Variants in EPHA7 observed in about 807,000 individuals in gnomAD.
EPHA7 encodes EPH receptor A7.
A neutral mutation model predicts 112.6 loss-of-function variants in EPHA7; 25 were observed. That is an observed-to-expected ratio of 0.22 (90% CI 0.16 to 0.31). The LOEUF (loss-of-function observed/expected upper bound fraction) is 0.31. Ranked by LOEUF, EPHA7 falls within the 10% of genes least tolerant of loss-of-function variation. The pLI is 1.00. For synonymous variants in EPHA7, 437 were observed against 406.5 expected (o/e 1.07, Z -0.90); for missense variants, 962 against 1,212.6 (o/e 0.79, Z 3.07).
chr6:93,386,146 C>T (rs564645851), intron 3 of EPHA7, among the ~76,000 whole-genome samples: 3 of 152,286 alleles, frequency 2.0e-5, no homozygotes, highest in South Asian at 2.1e-4. Flanking sequence ...ACATTTATGC[C>T]TTCCCAACAG....
intron 3 of EPHA7, among the ~76,000 whole-genome samples, chr6:93,405,717 A>G (rs1226936473): frequency 9.4e-5 from 14 of 149,646 alleles, no homozygotes; most frequent in Non-Finnish European, 5.9e-5. Flanking sequence ...TGAAACCAGC[A>G]TTTTGAAACT....
chr6:93,348,910 A>G (rs78375579), intron 5 of EPHA7, among the ~76,000 whole-genome samples: 5 of 151,356 alleles, frequency 3.3e-5, no homozygotes, highest in African/African-American at 1.2e-4. Flanking sequence ...GCCTAAGAGG[A>G]AAGATAAACT....
intron 3 of EPHA7, among the ~76,000 whole-genome samples, chr6:93,394,034 G>A (rs2127983309): frequency 6.6e-6 from 1 of 151,776 alleles, no homozygotes; most frequent in Non-Finnish European, 1.5e-5. Flanking sequence ...CTGAGTGTAT[G>A]TGTTTGCATG....
At chr6:93,394,250 T>C (rs1778053260) in intron 3 of EPHA7, among the ~76,000 whole-genome samples, 3 of 151,788 alleles carry the variant, frequency 2.0e-5, no homozygotes. Flanking sequence ...TGTGCAGATA[T>C]TGCATATCTT....
chr6:93,283,388 G>C (rs1008419616), intron 5 of EPHA7, among the ~76,000 whole-genome samples: 3 of 152,058 alleles, frequency 2.0e-5, no homozygotes, highest in Admixed American at 6.5e-5. Context: ...CAGGCTGCCC[G>C]AGCCAGCAGT....
rs1774404891 is a variant in EPHA7 at position 93,327,969 on chromosome 6, G to A, written c.1324+28748C>T. ...TGACTTGCAAGGTCTAACACAGTGT[G>A]TCCTTGCAACTCTGTTAACACCCAA... On this transcript the variant is annotated intron_variant, in intron 5 of 16. Transcript: ENST00000369303. Among the ~76,000 whole-genome samples, 6 of 151,456 alleles carry A rather than the reference G, an allele frequency of 4.0e-5. No individual in the cohort carries two copies. In the Admixed American group the frequency reaches 4.0e-4, roughly 10 times the overall value.
At position 93,410,161 on chromosome 6, in the gene EPHA7, G is replaced by T. The variant is rs1778907462; in HGVS notation, c.832+340C>A. The T allele has an allele frequency of 4.6e-6, 1 of 219,384 alleles. No homozygotes were observed. The highest frequency in any genetic ancestry group is 2.3e-5 in the African/African-American group (1 of 44,070). 13.6% of individuals were successfully genotyped at this position (219,384 alleles called of 1,614,324 possible). A position where few individuals can be genotyped will look rare whatever the true frequency, so the allele number is the denominator to read the frequency against. On this transcript the variant is annotated intron_variant, in intron 3 of 16. Transcript: ENST00000369303. This position sits in a 1 kb window ranked among gnomAD's most constrained non-coding sequence, Gnocchi z 4.0. ...GAGGAATGGCATCTCATTAAATCCT[G>T]TTAAATGTCACCTCAGTCTTGCCAG...
intron 3 of EPHA7, among the ~76,000 whole-genome samples, chr6:93,389,205 A>G (rs1470754443): frequency 2.0e-5 from 3 of 152,132 alleles, no homozygotes; most frequent in Admixed American, 6.6e-5. Flanking sequence ...ATATCTTACC[A>G]TGAGTTAGAC....
rs1329545362 is a variant in EPHA7 at position 93,347,548 on chromosome 6, C to A, written c.1324+9169G>T. On this transcript the variant is annotated intron_variant, in intron 5 of 16. Coordinates refer to ENST00000369303, the MANE Select transcript of EPHA7 (RefSeq NM_004440.4). ...ATGCATATGGAAAATAAAGACTTTT[C>A]AGGATGGAATTAAATTATCTCAGGG... Among the ~76,000 whole-genome samples the A allele has an allele frequency of 2.0e-5, 3 of 151,904 alleles. No homozygotes were observed. The East Asian group carries it at 5.8e-4, about 29-fold the overall frequency.
At chr6:93,252,984 G>C (rs905425007) in intron 14 of EPHA7, among the ~76,000 whole-genome samples, 12 of 151,944 alleles carry the variant, frequency 7.9e-5, no homozygotes, top group Non-Finnish European at 1.6e-4. Context: ...TAAAATTGGA[G>C]AAATTAATTT....
At position 93,346,197 on chromosome 6, in the gene EPHA7, TA is replaced by T. The variant is rs552597033; in HGVS notation, c.1324+10519del. ...TTTTTACTACTGTCGTCATCATTATTACCAATTCATATTATGTGTCTTTGTC... is the reference window on the plus strand; with the variant it reads ...TTTTTACTACTGTCGTCATCATTATTCCAATTCATATTATGTGTCTTTGTC... On this transcript the variant is annotated intron_variant, in intron 5 of 16. Transcript: ENST00000369303. 1.1e-4 allele frequency among the ~76,000 whole-genome samples: 17 copies of T among 151,930 alleles called. No individual in the cohort carries two copies. In the East Asian group the frequency reaches 3.3e-3, roughly 29 times the overall value.
rs534087047 is a variant in EPHA7 at position 93,403,033 on chromosome 6, A to C, written c.832+7468T>G. On this transcript the variant is annotated intron_variant, in intron 3 of 16. Coordinates refer to ENST00000369303, the MANE Select transcript of EPHA7 (RefSeq NM_004440.4). ...CAGTTATATTATCTTCACATGAATA[A>C]ATTCTTCAACTCCAGAAGACAGTCT... Among the ~76,000 whole-genome samples the C allele has an allele frequency of 2.6e-5, 4 of 152,180 alleles. No individual in the cohort carries two copies. The South Asian group carries it at 6.2e-4, about 24-fold the overall frequency.
At chr6:93,361,136 A>T (rs181054303) in intron 3 of EPHA7, among the ~76,000 whole-genome samples, 75 of 152,242 alleles carry the variant, frequency 4.9e-4, no homozygotes, top group Admixed American at 7.9e-4. Flanking sequence ...ATTATGGAAT[A>T]TATGTATGAC....
At chr6:93,291,380 G>T (rs1264166034) in intron 5 of EPHA7, among the ~76,000 whole-genome samples, 1 of 152,022 alleles carries the variant, frequency 6.6e-6, no homozygotes, top group African/African-American at 2.4e-5. Flanking sequence ...AGACCAAAGA[G>T]AATTATCATT....
chr6:93,388,279 C>T (rs570567774), intron 3 of EPHA7, among the ~76,000 whole-genome samples: 5 of 152,138 alleles, frequency 3.3e-5, no homozygotes, highest in South Asian at 2.1e-4. Flanking sequence ...TAGTCTTAAT[C>T]CCCTATTCTT....
chr6:93,295,504 T>C (rs373284162), intron 5 of EPHA7, among the ~76,000 whole-genome samples: 2 of 151,576 alleles, frequency 1.3e-5, no homozygotes, highest in Admixed American at 6.6e-5. Flanking sequence ...GATATTTCTT[T>C]ATCTAATTAT....
chr6:93,257,353 C>T, intron 12 of EPHA7, 109 bp downstream of exon 12: 2 of 708,126 alleles, frequency 2.8e-6, no homozygotes, highest in South Asian at 2.0e-5. Context: ...ATCTTCTAAC[C>T]TCTTACTATT....
At chr6:93,262,834 TA>T (rs918965882) in intron 9 of EPHA7, among the ~76,000 whole-genome samples, 26 of 150,112 alleles carry the variant, frequency 1.7e-4, no homozygotes, top group Admixed American at 2.0e-4. Context: ...GCTTTTTTAT[TA>T]AAAAAAAAGT....
chr6:93,381,192 C>A (rs1396412218), intron 3 of EPHA7, among the ~76,000 whole-genome samples: 4 of 152,126 alleles, frequency 2.6e-5, no homozygotes, highest in African/African-American at 9.7e-5. Context: ...GTGCTCCATG[C>A]ACATCTGTCC....
Sources: gnomAD v4.1 joint callset for allele counts (sites outside exome capture counted in the v4.1 genomes callset) on GRCh38, gnomAD v4.1.1 for gene constraint, Gnocchi (gnomAD v3.1) non-coding constraint, MANE v1.5 for transcripts, NCBI Gene and HGNC (gene_info 2026-07-23, HGNC 2026-07-21) for gene names.